Variants in GPHN observed in about 807,000 individuals in gnomAD.
The protein encoded by GPHN is gephyrin.
In GPHN, 17 loss-of-function variants were observed where a neutral mutation model predicts 95.5. The ratio of observed to expected loss-of-function variants is 0.18; its 90% confidence interval spans 0.12 to 0.27. GPHN has a LOEUF of 0.27. GPHN is among the 10% of genes least tolerant of loss of function. The pLI is 1.00. For missense variants in GPHN, 660 were observed against 978.1 expected (o/e 0.67, Z 4.34); for synonymous variants, 320 against 322.5 (o/e 0.99, Z 0.08).
chr14:67,399,473 A>C, the GPHN span, among the ~76,000 whole-genome samples: 30 of 131,378 alleles, frequency 2.3e-4, no homozygotes, highest in Middle Eastern at 5.8e-3. Context: ...AGAGAAGGGT[A>C]GTTTAGGTGG....
At chr14:66,967,799 C>G (rs1452880927) in intron 9 of GPHN, among the ~76,000 whole-genome samples, 1 of 151,670 alleles carries the variant, frequency 6.6e-6, no homozygotes, top group African/African-American at 2.4e-5. Flanking sequence ...AAAATAATAG[C>G]AGGGGAACTT....
At chr14:67,003,970 A>G (rs2072423897) in intron 9 of GPHN, among the ~76,000 whole-genome samples, 1 of 151,780 alleles carries the variant, frequency 6.6e-6, no homozygotes, top group East Asian at 1.9e-4. Context: ...GTGGTGAGCT[A>G]TAATTGCATT....
intron 1 of GPHN, among the ~76,000 whole-genome samples, chr14:66,600,373 A>T (rs2319392): frequency 0.027 from 4,079 of 152,150 alleles, 77 homozygotes; most frequent in Non-Finnish European, 0.043. Context: ...ATTTGTCAGT[A>T]TTCTAAGTAC....
At chr14:67,304,782 A>T in the GPHN span, among the ~76,000 whole-genome samples, 2 of 151,744 alleles carry the variant, frequency 1.3e-5, no homozygotes, top group African/African-American at 4.9e-5. Context: ...TGAATTGTAT[A>T]TGAATTATAT....
chr14:67,425,606 G>A, the GPHN span, among the ~76,000 whole-genome samples: 5 of 152,120 alleles, frequency 3.3e-5, no homozygotes, highest in Non-Finnish European at 5.9e-5. Flanking sequence ...TGTTTCTCCC[G>A]GCAAGACAAA....
intron 2 of GPHN, among the ~76,000 whole-genome samples, chr14:66,757,534 C>T (rs1028031291): frequency 5.9e-5 from 9 of 152,076 alleles, no homozygotes; most frequent in African/African-American, 1.7e-4. Context: ...GGATAACAAG[C>T]GCGTACCACC....
At chr14:67,298,370 T>C in the GPHN span, among the ~76,000 whole-genome samples, 2 of 151,570 alleles carry the variant, frequency 1.3e-5, no homozygotes, top group Admixed American at 1.3e-4. Flanking sequence ...AAAAAACTAG[T>C]TGGGTGTGGT....
intron 8 of GPHN, among the ~76,000 whole-genome samples, chr14:66,948,797 A>G (rs1170634220): frequency 6.6e-6 from 1 of 152,148 alleles, no homozygotes; most frequent in South Asian, 2.1e-4. Flanking sequence ...TTGCATTGAC[A>G]AGTTTTGGGA....
At chr14:67,072,133 CTA>C (rs1264580210) in intron 11 of GPHN, among the ~76,000 whole-genome samples, 4 of 151,780 alleles carry the variant, frequency 2.6e-5, no homozygotes, top group Admixed American at 6.6e-5. Flanking sequence ...GTTCCTTAGT[CTA>C]TAGAATTACA....
the GPHN span, among the ~76,000 whole-genome samples, chr14:67,558,142 C>T: frequency 6.6e-6 from 1 of 152,220 alleles, no homozygotes; most frequent in African/African-American, 2.4e-5. Context: ...CCTGCCTTCT[C>T]CCCTTCACAA....
intron 1 of GPHN, among the ~76,000 whole-genome samples, chr14:66,521,657 TC>T: frequency 6.6e-6 from 1 of 152,202 alleles, no homozygotes; most frequent in East Asian, 1.9e-4. Context: ...GCAAGAGGGC[TC>T]CCTCAAGCCT....
chr14:67,193,954 C>CAAAAAAAAAAAA, the GPHN span, among the ~76,000 whole-genome samples: 2 of 85,760 alleles, frequency 2.3e-5, no homozygotes, highest in Non-Finnish European at 2.5e-5. Flanking sequence ...CAAAAAAAAA[C>CAAAAAAAAAAAA]AAAAAAAAAA....
At chr14:66,739,777 C>T (rs1270772931) in intron 2 of GPHN, among the ~76,000 whole-genome samples, 1 of 151,902 alleles carries the variant, frequency 6.6e-6, no homozygotes, top group Non-Finnish European at 1.5e-5. Flanking sequence ...GCTGAATCAA[C>T]CCTACATAGA....
chr14:67,729,511 C>G, the GPHN span: 15 of 847,590 alleles, frequency 1.8e-5, no homozygotes, highest in Non-Finnish European at 2.9e-5. Context: ...GGCCTGCAAA[C>G]AGAATGCCGT....
In GPHN at chr14:66,632,489, CTTTTTTT is replaced by C. The variant is rs60856342; in HGVS notation, c.65-48602_65-48596del. ...ATACTTTCCTTTCTTACAATACATT[CTTTTTTT>C]TTTTTTTTTTTTTTTGGGATGGAGT... On this transcript the variant is annotated intron_variant, in intron 1 of 22. Coordinates refer to ENST00000478722, the MANE Select transcript of GPHN (RefSeq NM_020806.5). Among the ~76,000 whole-genome samples, 6 of 122,080 alleles carry C rather than the reference CTTTTTTT, an allele frequency of 4.9e-5. No individual in the cohort carries two copies. The East Asian group carries it at 1.3e-3, about 27-fold the overall frequency. The allele number at this position is 122,080 out of a possible 152,430, so 80.1% of individuals were successfully genotyped here. A position where few individuals can be genotyped will look rare whatever the true frequency, so the allele number is the denominator to read the frequency against.
At chr14:67,323,777 C>T in the GPHN span, 23 of 1,598,368 alleles carry the variant, frequency 1.4e-5, no homozygotes, top group East Asian at 2.3e-5. Flanking sequence ...AGAAAGACTT[C>T]GGGCATTATT....
chr14:67,666,460 A>G, the GPHN span, among the ~76,000 whole-genome samples: 155 of 152,356 alleles, frequency 1.0e-3, no homozygotes, highest in African/African-American at 3.5e-3. Flanking sequence ...ACAGAACTTC[A>G]CTACATTTAT....
the GPHN span, among the ~76,000 whole-genome samples, chr14:67,642,722 T>A: frequency 6.6e-6 from 1 of 151,588 alleles, no homozygotes; most frequent in Non-Finnish European, 1.5e-5. Context: ...ATAGGCTGAA[T>A]GTGCAAGTTT....
chr14:66,720,477 A>G (rs901298743), intron 2 of GPHN, among the ~76,000 whole-genome samples: 5 of 152,190 alleles, frequency 3.3e-5, no homozygotes, highest in East Asian at 3.8e-4. Flanking sequence ...TCACTTGAAC[A>G]TACTTCTTGA....
Sources: gnomAD v4.1 joint callset for allele counts (sites outside exome capture counted in the v4.1 genomes callset) on GRCh38, gnomAD v4.1.1 for gene constraint, MANE v1.5 for transcripts, NCBI Gene and HGNC (gene_info 2026-07-23, HGNC 2026-07-21) for gene names.